The following FOXM1 variants were observed in gnomAD, a reference collection of about 807,000 sequenced individuals.
The protein encoded by FOXM1 is forkhead box protein M1.
A neutral mutation model predicts 63.6 loss-of-function variants in FOXM1; 25 were observed. That is an observed-to-expected ratio of 0.39 (90% CI 0.29 to 0.55). FOXM1 has a LOEUF of 0.55. FOXM1 is among the 20% of genes least tolerant of loss of function. FOXM1 has a pLI of 0.60. For missense variants in FOXM1, 879 were observed against 958.7 expected (o/e 0.92, Z 1.10); for synonymous variants, 387 against 376.9 (o/e 1.03, Z -0.31).
In FOXM1 at chr12:2,872,131, T is replaced by C; in HGVS notation, c.619A>G (p.Lys207Glu). The C allele has an allele frequency of 6.2e-7, 1 of 1,614,190 alleles. No individual in the cohort carries two copies. Among genetic ancestry groups the C allele is most frequent in the Admixed American group, 1.7e-5 (1 of 60,016 alleles). The change falls in exon 3 of 9, where the codon AAG becomes GAG. Residue 207 changes from lysine to glutamate, a missense_variant. By Grantham distance (56) the Lys-to-Glu change is moderately conservative (BLOSUM62 1). Around this residue, in one of 4 missense-constraint regions of FOXM1, gnomAD observed 255 missense variants for 292.4 expected, o/e 0.87. Transcript: ENST00000359843. This position sits in a 1 kb window ranked among gnomAD's most constrained non-coding sequence, Gnocchi z 4.0. ...CGCTGCTCCAGGTGACAATTCTCCTTTTCCTCCATCTCTTGCTTGATGCTG... is the reference window on the plus strand; with the variant it reads ...CGCTGCTCCAGGTGACAATTCTCCTCTTCCTCCATCTCTTGCTTGATGCTG... ...SRSIKQEMEE[K>E]ENCHLEQRQV... is the part of the protein sequence containing the mutation.
rs28919871 is a variant in FOXM1, at chr12:2,858,372, G to C, written c.*266C>G. 2.2e-5 allele frequency: 10 copies of C among 445,784 alleles called. No individual in the cohort carries two copies. Among genetic ancestry groups the C allele is most frequent in the African/African-American group, 1.6e-4 (8 of 51,466 alleles). 27.6% of individuals were successfully genotyped at this position (445,784 alleles called of 1,614,324 possible). A position where few individuals can be genotyped will look rare whatever the true frequency, so the allele number is the denominator to read the frequency against. On this transcript the variant is annotated 3_prime_UTR_variant, in exon 9 of 9. Transcript: ENST00000359843. ...GCAGAGAATGGAAACAGGCTGGGGG[G>C]TTCCTAATCTCTTTTCACCATTGCC...
chr12:2,867,604 G>A (rs1343377822), intron 4 of FOXM1, among the ~76,000 whole-genome samples: 1 of 150,482 alleles, frequency 6.6e-6, no homozygotes, highest in African/African-American at 2.5e-5. Context: ...GGAGCTTGCA[G>A]TGAGCCGAGA....
Position 2,864,555 on chromosome 12 carries a change from C to T in FOXM1, c.1091-60G>A. On this transcript the variant is annotated intron_variant, in intron 7 of 8. Coordinates refer to ENST00000359843, the MANE Select transcript of FOXM1 (RefSeq NM_021953.4). This position sits in a 1 kb window ranked among gnomAD's most constrained non-coding sequence, Gnocchi z 5.1. ...ACTGGAGTACACCCCTTCTCAGCCC[C>T]AGGAGCTTTGCTCTCCTTCTCTGGG... 1 of 1,588,260 alleles carries T rather than the reference C, an allele frequency of 6.3e-7. No individual in the cohort carries two copies. Among genetic ancestry groups the T allele is most frequent in the Non-Finnish European group, 8.6e-7 (1 of 1,159,606 alleles).
At chr12:2,862,425 C>T (rs1467295917) in intron 8 of FOXM1, among the ~76,000 whole-genome samples, 1 of 152,014 alleles carries the variant, frequency 6.6e-6, no homozygotes, top group African/African-American at 2.4e-5. Flanking sequence ...AGAAAACCCA[C>T]TGCATGAAAA....
At chr12:2,866,542 C>T (rs2098123473) in intron 4 of FOXM1, 21 bp from the exon 5 acceptor site, 1 of 1,503,736 alleles carries the variant, frequency 6.7e-7, no homozygotes, top group Non-Finnish European at 8.9e-7. Flanking sequence ...AGCAAGACAA[C>T]TGGTTATCAG....
chr12:2,865,250 T>C (rs1464152283), intron 6 of FOXM1, 105 bp downstream of exon 6: 1 of 1,069,550 alleles, frequency 9.3e-7, no homozygotes, highest in African/African-American at 1.6e-5. Flanking sequence ...AACATGGCCA[T>C]AGGGACCCTT....
chr12:2,873,398 C>CAAAA (rs1189846694), intron 2 of FOXM1, among the ~76,000 whole-genome samples: 4 of 57,958 alleles, frequency 6.9e-5, no homozygotes, highest in Admixed American at 2.1e-4. Context: ...GACTCCATCT[C>CAAAA]AAAAAAAAAA....
At chr12:2,863,953 C>T (rs2098118583) in intron 8 of FOXM1, 1 of 171,842 alleles carries the variant, frequency 5.8e-6, no homozygotes, top group Non-Finnish European at 1.3e-5. Context: ...GATCCACCTG[C>T]CTTGGCCTCC....
chr12:2,863,945 T>A (rs2098118571), intron 8 of FOXM1: 1 of 167,230 alleles, frequency 6.0e-6, no homozygotes, highest in South Asian at 1.6e-4. Context: ...GACCTCATGA[T>A]CCACCTGCCT....
chr12:2,868,593 G>A lies in FOXM1; in HGVS notation c.816C>T (p.Tyr272=), dbSNP rs755404024. The A allele has an allele frequency of 4.3e-5, 69 of 1,613,194 alleles. No homozygotes were observed. Among genetic ancestry groups the A allele is most frequent in the Non-Finnish European group, 5.8e-5 (68 of 1,179,648 alleles). The change falls in exon 4 of 9, where the codon TAC becomes TAT. Residue 272 remains tyrosine (Y), a synonymous_variant. Transcript: ENST00000359843. The part of the protein sequence containing the change: ...IYTWIEDHFP[Y]FKHIAKPGWK... ...AGCCTGGCTTGGCAATGTGCTTAAA[G>A]TAGGGAAAGTGGTCCTCAATCCACG... is the stretch of plus-strand genomic sequence containing the variant.
chr12:2,868,325 T>G, intron 4 of FOXM1: 2 of 366,598 alleles, frequency 5.5e-6, no homozygotes, highest in South Asian at 2.2e-4. Context: ...TGGGCTTGAG[T>G]GCTACATTGA....
At position 2,874,011 on chromosome 12, in the gene FOXM1, A is replaced by C. The variant is rs1272267772; in HGVS notation, c.468T>G (p.Pro156=). The change falls in exon 2 of 9, where the codon CCT becomes CCG. Residue 156 remains proline, a synonymous_variant. Coordinates refer to ENST00000359843, the MANE Select transcript of FOXM1 (RefSeq NM_021953.4). This position sits in a 1 kb window ranked among gnomAD's most constrained non-coding sequence, Gnocchi z 4.3. ...AARDVNLPRP[P]GALCEQKRET... ...CCCGTTTCTGCTCGCAAAGGGCTCC[A>C]GGTGGTCTAGGAAGATTCACATCCC... is the stretch of plus-strand genomic sequence containing the variant. 3.7e-6 allele frequency: 6 copies of C among 1,613,842 alleles called. No homozygotes were observed. The highest frequency in any genetic ancestry group is 4.5e-5 in the East Asian group (2 of 44,892).
chr12:2,859,524 T>G lies in FOXM1; in HGVS notation c.1406A>C (p.Glu469Ala). The G allele has an allele frequency of 6.2e-7, 1 of 1,614,022 alleles. No homozygotes were observed. The highest frequency in any genetic ancestry group is 8.5e-7 in the Non-Finnish European group (1 of 1,179,978). ...IKEEEIQPGE[E>A]MPHLARPIKV... ...GATGGGTCTCGCTAAGTGTGGCATT[T>G]CCTCCCCAGGCTGGATTTCTTCCTC... is the stretch of plus-strand genomic sequence containing the variant. Residue 469 changes from glutamate (E) to alanine (A), a missense_variant, in exon 9 of 9, where the codon GAA (glutamate) becomes GCA (alanine). Transcript: ENST00000359843.
chr12:2,871,095 G>T (rs1029783738), intron 3 of FOXM1, among the ~76,000 whole-genome samples: 9 of 151,730 alleles, frequency 5.9e-5, no homozygotes, highest in African/African-American at 2.2e-4. Context: ...TACCTAGCAG[G>T]TACTATACTC....
In FOXM1 at chr12:2,859,456, G is replaced by A; in HGVS notation, c.1474C>T (p.Pro492Ser). 6.2e-7 allele frequency: 1 copy of A among 1,613,928 alleles called. No individual in the cohort carries two copies. Among genetic ancestry groups the A allele is most frequent in the South Asian group, 1.1e-5 (1 of 91,080 alleles). Residue 492 changes from proline to serine, a missense_variant, in exon 9 of 9, where the codon CCA becomes TCA. Transcript: ENST00000359843. ...TGAGATGATTCCTCTTTGAAAGATGGGGCCGGGGAGGGCCACTCTTCCAAG... is the reference window on the plus strand; with the variant it reads ...TGAGATGATTCCTCTTTGAAAGATGAGGCCGGGGAGGGCCACTCTTCCAAG... ...PPLEEWPSPA[P>S]SFKEESSHSW...
At chr12:2,865,432 G>A in intron 5 of FOXM1, 33 bp from the exon 6 acceptor site, 1 of 1,593,572 alleles carries the variant, frequency 6.3e-7, no homozygotes, top group East Asian at 2.3e-5. Flanking sequence ...GGAGAGAAAT[G>A]AGATGAAGTT....
At chr12:2,866,983 T>A (rs1319711870) in intron 4 of FOXM1, among the ~76,000 whole-genome samples, 2 of 151,938 alleles carry the variant, frequency 1.3e-5, no homozygotes, top group Admixed American at 6.6e-5. Flanking sequence ...TGAAACCCTG[T>A]CTCTATCAAA....
intron 3 of FOXM1, 86 bp from the exon 4 acceptor site, chr12:2,868,840 C>T: frequency 1.9e-6 from 2 of 1,069,694 alleles, no homozygotes; most frequent in Non-Finnish European, 1.4e-6. Flanking sequence ...CTAGAGAAAC[C>T]TTTATCCCAT....
intron 8 of FOXM1, among the ~76,000 whole-genome samples, chr12:2,862,793 T>G (rs1488487804): frequency 6.6e-6 from 1 of 151,870 alleles, no homozygotes; most frequent in Non-Finnish European, 1.5e-5. Flanking sequence ...CCTCCTGCCT[T>G]GGCCTCCCAA....
Sources: gnomAD v4.1 joint callset for allele counts (sites outside exome capture counted in the v4.1 genomes callset) on GRCh38, gnomAD v4.1.1 for gene constraint, gnomAD v4.1.1 regional missense constraint, Gnocchi (gnomAD v3.1) non-coding constraint, MANE v1.5 for transcripts, NCBI Gene and HGNC (gene_info 2026-07-23, HGNC 2026-07-21) for gene names.